The following MYO1E variants were observed in gnomAD, a reference collection of about 807,000 sequenced individuals.
The protein encoded by MYO1E is unconventional myosin-Ie.
Under a neutral mutation model 151.1 loss-of-function variants are expected in MYO1E, and 68 were observed. The ratio of observed to expected loss-of-function variants is 0.45; its 90% CI spans 0.37 to 0.55. MYO1E has a LOEUF of 0.55. MYO1E is among the 20% of genes least tolerant of loss of function. The probability of loss-of-function intolerance (pLI) is 0.00; values close to 1 mark genes in which losing one functional copy is unlikely to be tolerated. For missense variants in MYO1E, 1,363 were observed against 1,389.3 expected, an observed-to-expected ratio of 0.98 and a Z score of 0.30; for synonymous variants, 601 against 501.7, an observed-to-expected ratio of 1.20 and a Z score of -2.64.
At chr15:59,280,538 C>G (rs932901446) in intron 1 of MYO1E, among the ~76,000 whole-genome samples, 1 of 150,314 alleles carries the variant, frequency 6.7e-6, no homozygotes, top group Non-Finnish European at 1.5e-5. Flanking sequence ...AGGAGAATTG[C>G]TTAAACCTGG....
At chr15:59,299,400 T>C (rs2080469416) in intron 1 of MYO1E, among the ~76,000 whole-genome samples, 1 of 152,254 alleles carries the variant, frequency 6.6e-6, no homozygotes, top group Non-Finnish European at 1.5e-5. Context: ...TGGTTTTCTT[T>C]CCTGAACTGC....
At chr15:59,342,224 TAG>T (rs1426107129) in intron 1 of MYO1E, among the ~76,000 whole-genome samples, 14 of 152,252 alleles carry the variant, frequency 9.2e-5, no homozygotes, top group Admixed American at 8.5e-4. Flanking sequence ...AAAATCAGAT[TAG>T]ATTTTTTCCT....
intron 1 of MYO1E, among the ~76,000 whole-genome samples, chr15:59,308,554 C>G (rs1463863645): frequency 6.6e-6 from 1 of 152,016 alleles, no homozygotes. Flanking sequence ...CACCTGTAAT[C>G]CCAGCTACAT....
intron 1 of MYO1E, 137 bp downstream of exon 1, chr15:59,372,360 AG>A: frequency 9.5e-7 from 1 of 1,050,808 alleles, no homozygotes; most frequent in South Asian, 1.4e-5. Flanking sequence ...AGGAAATCAG[AG>A]CTCGCGACGT....
intron 7 of MYO1E, among the ~76,000 whole-genome samples, chr15:59,226,863 A>G (rs138046187): frequency 8.7e-4 from 133 of 152,338 alleles, no homozygotes; most frequent in African/African-American, 3.1e-3. Flanking sequence ...TGAAGCCTGT[A>G]ACATAATCAA....
chr15:59,237,761 G>A (rs1171030427), intron 4 of MYO1E, among the ~76,000 whole-genome samples: 2 of 152,140 alleles, frequency 1.3e-5, no homozygotes, highest in East Asian at 3.8e-4. Context: ...CATTTGCTTG[G>A]GGAACAACCA....
intron 1 of MYO1E, among the ~76,000 whole-genome samples, chr15:59,331,777 C>T (rs1375732684): frequency 6.6e-6 from 1 of 152,136 alleles, no homozygotes; most frequent in Non-Finnish European, 1.5e-5. Context: ...GTCATTTTCA[C>T]CTTGATGAAA....
Position 59,208,667 on chromosome 15 carries a change from G to T in MYO1E, c.1530+14C>A, listed in dbSNP as rs116371817. On this transcript the variant is annotated intron_variant, in intron 14 of 27. Coordinates refer to ENST00000288235, the MANE Select transcript of MYO1E (RefSeq NM_004998.4). ...CTTAAAACAGATAGACATTAAAATG[G>T]ATATTGGCCATACCTTCCCAGCATA... 1.9e-6 allele frequency: 3 copies of T among 1,613,964 alleles called. No homozygotes were observed. In the South Asian group the frequency reaches 3.3e-5, roughly 18 times the overall value.
intron 2 of MYO1E, among the ~76,000 whole-genome samples, chr15:59,271,320 T>C (rs1295750532): frequency 2.0e-5 from 3 of 152,232 alleles, no homozygotes; most frequent in African/African-American, 7.2e-5. Context: ...GGTAAAAATC[T>C]AAGATGTATA....
At chr15:59,326,873 G>C (rs1239025191) in intron 1 of MYO1E, among the ~76,000 whole-genome samples, 3 of 152,196 alleles carry the variant, frequency 2.0e-5, no homozygotes, top group African/African-American at 7.2e-5. Context: ...CTTATGGGCT[G>C]AGTGACCAAG....
At chr15:59,292,071 T>G (rs2080422914) in intron 1 of MYO1E, among the ~76,000 whole-genome samples, 1 of 152,260 alleles carries the variant, frequency 6.6e-6, no homozygotes, top group African/African-American at 2.4e-5. Flanking sequence ...GATTTAAAAA[T>G]GTAAGTAAAC....
chr15:59,194,155 C>T (rs367685922), intron 17 of MYO1E, among the ~76,000 whole-genome samples: 1 of 149,798 alleles, frequency 6.7e-6, no homozygotes, highest in Non-Finnish European at 1.5e-5. Context: ...GCCTGGGTGA[C>T]AGAGCGAGAC....
intron 1 of MYO1E, among the ~76,000 whole-genome samples, chr15:59,273,238 C>T (rs1049509687): frequency 6.6e-6 from 1 of 152,184 alleles, no homozygotes; most frequent in Non-Finnish European, 1.5e-5. Flanking sequence ...CAGGGGCGGC[C>T]TCTGAACACT....
chr15:59,358,322 T>C (rs1341685213), intron 1 of MYO1E, among the ~76,000 whole-genome samples: 1 of 152,166 alleles, frequency 6.6e-6, no homozygotes, highest in Non-Finnish European at 1.5e-5. Flanking sequence ...GCCTTACTTA[T>C]GTTTCCTCAC....
rs556490778 is a variant in MYO1E at position 59,136,879 on chromosome 15, G to A, written c.*501C>T. On this transcript the variant is annotated 3_prime_UTR_variant, in exon 28 of 28. Coordinates refer to ENST00000288235, the MANE Select transcript of MYO1E (RefSeq NM_004998.4). ...TACCCTTGGCACGTACATGGGAAGT[G>A]CCTGCTCACGCTAAGCCCAGTCTGC... The A allele has an allele frequency of 1.7e-5, 7 of 414,098 alleles. No homozygotes were observed. The highest frequency in any genetic ancestry group is 8.2e-5 in the African/African-American group (4 of 48,782). 25.7% of individuals were successfully genotyped at this position (414,098 alleles called of 1,614,324 possible). A position where few individuals can be genotyped will look rare whatever the true frequency, so the allele number is the denominator to read the frequency against.
At chr15:59,174,920 C>T (rs1326195575) in intron 19 of MYO1E, among the ~76,000 whole-genome samples, 1 of 152,104 alleles carries the variant, frequency 6.6e-6, no homozygotes, top group Non-Finnish European at 1.5e-5. Flanking sequence ...TCTTGAGAGT[C>T]CGGCCATTTT....
At chr15:59,293,544 TAA>T (rs756437928) in intron 1 of MYO1E, among the ~76,000 whole-genome samples, 1 of 139,862 alleles carries the variant, frequency 7.1e-6, no homozygotes, top group Non-Finnish European at 1.6e-5. Context: ...AGACTCCCTC[TAA>T]AAAAAAAAAC....
intron 1 of MYO1E, among the ~76,000 whole-genome samples, chr15:59,281,879 G>A (rs1385655316): frequency 2.0e-5 from 3 of 151,734 alleles, no homozygotes; most frequent in African/African-American, 7.3e-5. Flanking sequence ...TGAAAGGATT[G>A]CTTGAGCCCA....
intron 1 of MYO1E, among the ~76,000 whole-genome samples, chr15:59,279,855 C>G (rs1186278005): frequency 3.3e-5 from 5 of 152,150 alleles, no homozygotes; most frequent in African/African-American, 1.2e-4. Context: ...TGCACTATCT[C>G]TGTACAAAAA....
Sources: allele counts gnomAD v4.1 joint callset (sites outside exome capture counted in the v4.1 genomes callset), GRCh38; gene constraint gnomAD v4.1.1; transcripts MANE v1.5; gene names NCBI Gene and HGNC (gene_info 2026-07-23, HGNC 2026-07-21).